RAB27B: variants seen among roughly 807,000 people sequenced by gnomAD.
The protein encoded by RAB27B is ras-related protein Rab-27B.
A neutral mutation model predicts 24.6 loss-of-function variants in RAB27B; 15 were observed. The ratio of observed to expected loss-of-function variants is 0.61; its 90% CI spans 0.41 to 0.94. The LOEUF (loss-of-function observed/expected upper bound fraction) is 0.94. Ranked by LOEUF, RAB27B falls within the 40% of genes least tolerant of loss-of-function variation. RAB27B has a pLI of 0.00. For synonymous variants in RAB27B, 105 were observed against 92.5 expected (o/e 1.14, Z -0.78); for missense variants, 261 against 266.8 (o/e 0.98, Z 0.15).
chr18:54,796,431 C>T (rs1369855932), intron 2 of RAB27B, among the ~76,000 whole-genome samples: 1 of 152,210 alleles, frequency 6.6e-6, no homozygotes, highest in African/African-American at 2.4e-5. Context: ...AATCGGATCA[C>T]ATGTGCACTT....
chr18:54,773,175 C>A (rs888771730), intron 2 of RAB27B, among the ~76,000 whole-genome samples: 1 of 152,106 alleles, frequency 6.6e-6, no homozygotes, highest in African/African-American at 2.4e-5. Context: ...TTTTCTAAAG[C>A]ACTAAAGGAA....
intron 2 of RAB27B, among the ~76,000 whole-genome samples, chr18:54,768,293 G>T (rs762154463): frequency 6.6e-6 from 1 of 152,144 alleles, no homozygotes; most frequent in Non-Finnish European, 1.5e-5. Flanking sequence ...AAAATGTAGC[G>T]ATATGTGGCT....
intron 2 of RAB27B, among the ~76,000 whole-genome samples, chr18:54,788,513 T>A (rs189660587): frequency 6.0e-4 from 92 of 152,242 alleles, no homozygotes; most frequent in Middle Eastern, 3.4e-3. Flanking sequence ...ATGTTGGCCA[T>A]GTTGGTCTCA....
At chr18:54,808,758 T>G (rs1281772249) in intron 2 of RAB27B, among the ~76,000 whole-genome samples, 1 of 152,110 alleles carries the variant, frequency 6.6e-6, no homozygotes, top group African/African-American at 2.4e-5. Flanking sequence ...GTTTCCAAAT[T>G]GATACATACA....
chr18:54,856,060 A>G (rs946648635), intron 1 of RAB27B, among the ~76,000 whole-genome samples: 1 of 152,256 alleles, frequency 6.6e-6, no homozygotes, highest in African/African-American at 2.4e-5. Context: ...GGGAAAAGCA[A>G]GTGATAATGA....
At chr18:54,811,858 G>T (rs1284242698) in intron 2 of RAB27B, among the ~76,000 whole-genome samples, 1 of 152,190 alleles carries the variant, frequency 6.6e-6, no homozygotes, top group African/African-American at 2.4e-5. Flanking sequence ...TTGGCTTAAT[G>T]ATTTGGGGGT....
chr18:54,820,443 G>A (rs1409871169), intron 2 of RAB27B, among the ~76,000 whole-genome samples: 1 of 152,128 alleles, frequency 6.6e-6, no homozygotes, highest in African/African-American at 2.4e-5. Flanking sequence ...TGTTCATATC[G>A]TTTGCCCACT....
chr18:54,844,140 A>G (rs942200302), intron 1 of RAB27B, among the ~76,000 whole-genome samples: 2 of 152,346 alleles, frequency 1.3e-5, no homozygotes, highest in East Asian at 3.9e-4. Flanking sequence ...CAATATATCA[A>G]TATCTTCTGA....
intron 2 of RAB27B, among the ~76,000 whole-genome samples, chr18:54,774,076 A>T (rs913581633): frequency 5.3e-5 from 8 of 152,282 alleles, no homozygotes; most frequent in African/African-American, 1.9e-4. Context: ...ATAACCAGAG[A>T]CGCCTTCAAG....
intron 2 of RAB27B, among the ~76,000 whole-genome samples, chr18:54,721,464 A>G (rs1209304490): frequency 6.6e-6 from 1 of 152,152 alleles, no homozygotes; most frequent in Non-Finnish European, 1.5e-5. Flanking sequence ...ATAATAGTGA[A>G]CGTTGGAGTT....
At chr18:54,756,094 C>A (rs540731998) in intron 2 of RAB27B, among the ~76,000 whole-genome samples, 1 of 152,268 alleles carries the variant, frequency 6.6e-6, no homozygotes, top group East Asian at 1.9e-4. Flanking sequence ...AATAAAGAAT[C>A]ATAACTGAGT....
upstream of RAB27B, among the ~76,000 whole-genome samples, chr18:54,827,235 A>G (rs915657286): frequency 6.6e-6 from 1 of 152,248 alleles, no homozygotes; most frequent in Admixed American, 6.5e-5. Context: ...ACTTGGGGAG[A>G]ATGGAATAGA....
intron 2 of RAB27B, among the ~76,000 whole-genome samples, chr18:54,719,594 G>C (rs1036317016): frequency 6.6e-6 from 1 of 152,084 alleles, no homozygotes; most frequent in Non-Finnish European, 1.5e-5. Context: ...ATAGTGATTT[G>C]CTTCTGAAGG....
intron 2 of RAB27B, among the ~76,000 whole-genome samples, chr18:54,721,253 C>T (rs569688570): frequency 6.6e-6 from 1 of 152,060 alleles, no homozygotes; most frequent in Non-Finnish European, 1.5e-5. Flanking sequence ...CAAGTTTATC[C>T]AAAACATTGC....
At chr18:54,818,138 C>T (rs1223575934) in intron 2 of RAB27B, among the ~76,000 whole-genome samples, 1 of 152,132 alleles carries the variant, frequency 6.6e-6, no homozygotes, top group Non-Finnish European at 1.5e-5. Flanking sequence ...ATGCCAATTA[C>T]CTTGGCAAAT....
intron 1 of RAB27B, among the ~76,000 whole-genome samples, chr18:54,843,321 G>A (rs1308898872): frequency 6.6e-6 from 1 of 151,258 alleles, no homozygotes; most frequent in South Asian, 2.1e-4. Flanking sequence ...AAGCTTTGTG[G>A]TAATAACATA....
At chr18:54,775,704 C>T (rs1449333601) in intron 2 of RAB27B, among the ~76,000 whole-genome samples, 2 of 152,220 alleles carry the variant, frequency 1.3e-5, no homozygotes, top group East Asian at 1.9e-4. Context: ...TCCTCCACAT[C>T]TATGCTGCCT....
intron 2 of RAB27B, among the ~76,000 whole-genome samples, chr18:54,803,162 T>A (rs929563807): frequency 1.1e-4 from 16 of 152,308 alleles, no homozygotes; most frequent in Admixed American, 3.9e-4. Flanking sequence ...ATAGTGATGA[T>A]GTTTATGATG....
chr18:54,752,094 A>G (rs1907851657), intron 2 of RAB27B, among the ~76,000 whole-genome samples: 1 of 152,220 alleles, frequency 6.6e-6, no homozygotes, highest in South Asian at 2.1e-4. Flanking sequence ...ATCATGACAT[A>G]CAGGTGTGCA....
Sources: gnomAD v4.1 joint callset for allele counts (sites outside exome capture counted in the v4.1 genomes callset) on GRCh38, gnomAD v4.1.1 for gene constraint, MANE v1.5 for transcripts, NCBI Gene and HGNC (gene_info 2026-07-23, HGNC 2026-07-21) for gene names.